Variants in SETBP1 observed in about 807,000 individuals in gnomAD.
SETBP1 encodes the protein SET binding protein 1.
A neutral mutation model predicts 101.0 loss-of-function variants in SETBP1; 9 were observed. The observed-to-expected ratio is 0.09, with a 90% CI of 0.05 to 0.16. The LOEUF is 0.16. Among genes scored for constraint, SETBP1 ranks in the 10% least tolerant of loss-of-function variants. The pLI is 1.00. For synonymous variants in SETBP1, 818 were observed against 788.5 expected (o/e 1.04, Z -0.63); for missense variants, 1,858 against 2,033.8 (o/e 0.91, Z 1.66).
At chr18:44,744,291 C>G (rs2070170309) in intron 2 of SETBP1, among the ~76,000 whole-genome samples, 1 of 152,370 alleles carries the variant, frequency 6.6e-6, no homozygotes, top group South Asian at 2.1e-4. Flanking sequence ...GCCTGCTCCC[C>G]CCTTCCCTGC....
At chr18:44,793,344 A>T (rs2144739106) in intron 2 of SETBP1, among the ~76,000 whole-genome samples, 1 of 152,318 alleles carries the variant, frequency 6.6e-6, no homozygotes. Context: ...TTCTGATTGA[A>T]AAGGCCTGGT....
intron 2 of SETBP1, among the ~76,000 whole-genome samples, chr18:44,784,839 A>G (rs1467637766): frequency 6.6e-6 from 1 of 152,182 alleles, no homozygotes; most frequent in Non-Finnish European, 1.5e-5. Flanking sequence ...CTCTTAGTTT[A>G]TTGTTCCTTT....
At chr18:44,806,623 C>CTTTTTTTTTTTTTTTTT (rs71177656) in intron 2 of SETBP1, among the ~76,000 whole-genome samples, 2 of 27,786 alleles carry the variant, frequency 7.2e-5, no homozygotes, top group Admixed American at 5.8e-4. Context: ...TAATGAGCTC[C>CTTTTTTTTTTTTTTTTT]TTTTTTTTTT....
intron 1 of SETBP1, among the ~76,000 whole-genome samples, chr18:44,681,486 A>G (rs983430208): frequency 1.3e-5 from 2 of 152,004 alleles, no homozygotes; most frequent in African/African-American, 4.8e-5. Context: ...TGCTGGTTCT[A>G]AAAAAATAAG....
chr18:45,046,423 C>T (rs2073612408), intron 5 of SETBP1, among the ~76,000 whole-genome samples: 1 of 152,178 alleles, frequency 6.6e-6, no homozygotes, highest in Non-Finnish European at 1.5e-5. Context: ...GGCAGCCCTC[C>T]AGCCTCCTTT....
chr18:44,996,513 A>G (rs1334068567), intron 4 of SETBP1, among the ~76,000 whole-genome samples: 1 of 152,086 alleles, frequency 6.6e-6, no homozygotes, highest in Non-Finnish European at 1.5e-5. Flanking sequence ...CTGGATTTTA[A>G]CTCTGTCAGG....
At chr18:44,817,135 T>C (rs373698183) in intron 2 of SETBP1, among the ~76,000 whole-genome samples, 2 of 152,188 alleles carry the variant, frequency 1.3e-5, no homozygotes, top group Non-Finnish European at 2.9e-5. Flanking sequence ...AATGACTTTA[T>C]GTAGTGATTA....
chr18:44,744,769 T>TAAA (rs111386284), intron 2 of SETBP1, among the ~76,000 whole-genome samples: 98 of 132,598 alleles, frequency 7.4e-4, no homozygotes, highest in South Asian at 6.7e-3. Flanking sequence ...ACCCTCCTCT[T>TAAA]AAAAAAAAAA....
chr18:45,063,060 A>C lies in SETBP1; in HGVS notation c.4172-19A>C, dbSNP rs1004485294. On this transcript the variant is annotated intron_variant, in intron 5 of 5. Transcript: ENST00000649279. ...CCTTGCATCCTGTGCTCAATTTCTT[A>C]TCTCTTCCCCTCCCGCAGTCGGCTC... is the stretch of plus-strand genomic sequence containing the variant. 1.9e-6 allele frequency: 3 copies of C among 1,613,648 alleles called. 1 individual carries two copies. The highest frequency in any genetic ancestry group is 2.2e-5 in the South Asian group (2 of 91,066).
chr18:44,720,894 C>T (rs1159320503), intron 2 of SETBP1, among the ~76,000 whole-genome samples: 1 of 139,872 alleles, frequency 7.1e-6, no homozygotes, highest in Non-Finnish European at 1.5e-5. Context: ...AGCAATGGAG[C>T]CCTCCAACCC....
intron 2 of SETBP1, among the ~76,000 whole-genome samples, chr18:44,729,166 T>A (rs573655029): frequency 2.0e-5 from 3 of 152,296 alleles, no homozygotes; most frequent in African/African-American, 7.2e-5. Flanking sequence ...TCACTTTGAG[T>A]CACTGTTCTT....
At chr18:45,041,943 C>T (rs372639741) in intron 5 of SETBP1, among the ~76,000 whole-genome samples, 14 of 150,696 alleles carry the variant, frequency 9.3e-5, no homozygotes, top group South Asian at 4.2e-4. Flanking sequence ...GGTGACAAAG[C>T]GAAACTCTAT....
rs2071281010 is a variant in SETBP1, at chr18:44,949,280, CAG to C, written c.541-600_541-599del. 4.6e-5 allele frequency among the ~76,000 whole-genome samples: 7 copies of C among 152,316 alleles called. No individual in the cohort carries two copies. In the South Asian group the frequency reaches 1.4e-3, roughly 32 times the overall value. ...CAACCTGGGCTGTTTTTACTGGTTA[CAG>C]TGGTTCCTGATGAGCTACTTGTACA... On this transcript the variant is annotated intron_variant, in intron 3 of 5. Transcript: ENST00000649279.
intron 2 of SETBP1, among the ~76,000 whole-genome samples, chr18:44,723,957 C>T (rs1246785846): frequency 2.0e-5 from 3 of 152,106 alleles, no homozygotes; most frequent in Admixed American, 1.3e-4. Flanking sequence ...CTGAGGGTCT[C>T]GTTTTTAACG....
At chr18:44,832,344 A>G (rs80218696) in intron 2 of SETBP1, among the ~76,000 whole-genome samples, 6,079 of 152,296 alleles carry the variant, frequency 0.04, 409 homozygotes, top group African/African-American at 0.14. Flanking sequence ...GGCTACCCCT[A>G]GAGGTTCTGA....
intron 3 of SETBP1, among the ~76,000 whole-genome samples, chr18:44,873,932 A>G (rs1246619983): frequency 1.3e-5 from 2 of 152,172 alleles, no homozygotes; most frequent in African/African-American, 4.8e-5. Flanking sequence ...TGTTGTGTAA[A>G]TATCTCCATC....
intron 4 of SETBP1, among the ~76,000 whole-genome samples, chr18:45,019,004 A>G (rs2073005130): frequency 6.6e-6 from 1 of 152,138 alleles, no homozygotes; most frequent in Non-Finnish European, 1.5e-5. Context: ...ATTTTCAAAC[A>G]AACACTGGAA....
chr18:44,690,035 C>T (rs564624248), intron 1 of SETBP1, among the ~76,000 whole-genome samples: 2 of 152,174 alleles, frequency 1.3e-5, no homozygotes, highest in Non-Finnish European at 2.9e-5. Context: ...CTGCTAGGTC[C>T]TGTCCGCTAC....
intron 1 of SETBP1, among the ~76,000 whole-genome samples, chr18:44,684,342 G>A (rs2068803333): frequency 6.6e-6 from 1 of 152,174 alleles, no homozygotes; most frequent in Admixed American, 6.5e-5. Context: ...GATGTCCACA[G>A]ACTATAATTC....
Sources: gnomAD v4.1 joint callset for allele counts (sites outside exome capture counted in the v4.1 genomes callset) on GRCh38, gnomAD v4.1.1 for gene constraint, MANE v1.5 for transcripts, NCBI Gene and HGNC (gene_info 2026-07-23, HGNC 2026-07-21) for gene names.